TIPIN: variants seen among roughly 807,000 people sequenced by gnomAD.
TIPIN encodes the protein TIMELESS interacting protein.
Under a neutral mutation model 35.6 loss-of-function variants are expected in TIPIN, and 29 were observed. The ratio of observed to expected loss-of-function variants is 0.82; its 90% CI spans 0.61 to 1.11. TIPIN has a LOEUF of 1.11. Among genes scored for constraint, TIPIN ranks in the 50% most tolerant of loss-of-function variants. TIPIN has a pLI of 0.00. For synonymous variants in TIPIN, 102 were observed against 121.5 expected (o/e 0.84, Z 1.06); for missense variants, 296 against 345.4 (o/e 0.86, Z 1.13).
At chr15:66,340,865 G>A (rs2093081714) in intron 7 of TIPIN, among the ~76,000 whole-genome samples, 1 of 152,164 alleles carries the variant, frequency 6.6e-6, no homozygotes, top group African/African-American at 2.4e-5. Flanking sequence ...CCAAAGTGCT[G>A]AGATTACAGG....
chr15:66,372,736 C>T (rs572651760), intron 1 of TIPIN, among the ~76,000 whole-genome samples: 5 of 152,178 alleles, frequency 3.3e-5, no homozygotes, highest in Non-Finnish European at 7.4e-5. Context: ...AACTCTGTCT[C>T]TACTAAGAAT....
chr15:66,336,415 G>A lies in TIPIN; in HGVS notation c.*543C>T, dbSNP rs35645131. 0.056 allele frequency: 8,654 copies of A among 153,364 alleles called. 350 individuals carry two copies. Among genetic ancestry groups the A allele is most frequent in the Middle Eastern group, 0.11 (32 of 300 alleles). 9.5% of individuals were successfully genotyped at this position (153,364 alleles called of 1,614,324 possible). On this transcript the variant is annotated 3_prime_UTR_variant, in exon 8 of 8. Transcript: ENST00000261881. Reference sequence around the variant, plus strand: ...CTAAAAGTACAAAAATTAGCCAAGCGTGGTGGCACACGCCTGTAGTCCCAG... The same window carrying A: ...CTAAAAGTACAAAAATTAGCCAAGCATGGTGGCACACGCCTGTAGTCCCAG...
intron 7 of TIPIN, 95 bp downstream of exon 7, chr15:66,341,055 A>C: frequency 1.8e-6 from 2 of 1,084,954 alleles, no homozygotes; most frequent in Non-Finnish European, 2.7e-6. Context: ...CCACTCCTAG[A>C]AGTATTTTAT....
chr15:66,352,877 G>A lies in TIPIN; in HGVS notation c.71C>T (p.Pro24Leu), dbSNP rs1314440345. The change falls in exon 2 of 8, where the codon CCT becomes CTT. Residue 24 changes from proline (P) to leucine (L), a missense_variant. Transcript: ENST00000261881. ...TGGAGAGGCTGGAGGTGGGAAAGGA[G>A]GAAAAGTTTCATCTTCTACATGCTC... The part of the protein sequence containing the change: ...DYEHVEDETF[P>L]PFPPPASPER... 2 of 1,614,014 alleles carry A rather than the reference G, an allele frequency of 1.2e-6. No individual in the cohort carries two copies. The highest frequency in any genetic ancestry group is 4.5e-5 in the East Asian group (2 of 44,868).
chr15:66,351,641 C>CTTTT (rs56040501), intron 3 of TIPIN, 41 bp from the exon 4 acceptor site: 240 of 1,091,196 alleles, frequency 2.2e-4, no homozygotes, highest in Admixed American at 5.2e-4. Context: ...GTTTTATTTT[C>CTTTT]TTTTTTTTTT....
upstream of TIPIN, among the ~76,000 whole-genome samples, chr15:66,358,314 A>G (rs1390919272): frequency 1.3e-5 from 2 of 152,220 alleles, no homozygotes; most frequent in Non-Finnish European, 2.9e-5. Context: ...TATTCAAAAA[A>G]CTAAATTTAA....
chr15:66,367,894 G>A (rs1444735413), intron 1 of TIPIN, among the ~76,000 whole-genome samples: 1 of 148,660 alleles, frequency 6.7e-6, no homozygotes, highest in Non-Finnish European at 1.5e-5. Flanking sequence ...CAGTGCAGTG[G>A]CGTGATCTCG....
chr15:66,366,735 C>G (rs1368189855), intron 1 of TIPIN: 3 of 805,760 alleles, frequency 3.7e-6, no homozygotes, highest in Non-Finnish European at 4.5e-6. Flanking sequence ...CCATTGCACT[C>G]TAGCCTGGGC....
At chr15:66,369,334 T>C (rs182371576) in intron 1 of TIPIN, among the ~76,000 whole-genome samples, 131 of 148,166 alleles carry the variant, frequency 8.8e-4, no homozygotes, top group Admixed American at 2.5e-3. Context: ...AATGTACCAA[T>C]AATAATAGTT....
Position 66,383,095 on chromosome 15 carries a change from A to G in TIPIN, c.-9+3512T>C, listed in dbSNP as rs2093323819. ...CCAACCCAGCATGCATAGAATCATAATATTTCAATATTAAAAAGAATGCTG... is the reference window on the plus strand; with the variant it reads ...CCAACCCAGCATGCATAGAATCATAGTATTTCAATATTAAAAAGAATGCTG... On this transcript the variant is annotated intron_variant, in intron 1 of 7. Transcript: ENST00000562124. 9 of 560,594 alleles carry G rather than the reference A, an allele frequency of 1.6e-5. No homozygotes were observed. In the South Asian group the frequency reaches 5.5e-4, roughly 34 times the overall value. 34.7% of individuals were successfully genotyped at this position (560,594 alleles called of 1,614,324 possible). A position where few individuals can be genotyped will look rare whatever the true frequency, so the allele number is the denominator to read the frequency against.
chr15:66,353,690 A>T (rs918506658), intron 1 of TIPIN, among the ~76,000 whole-genome samples: 17 of 152,072 alleles, frequency 1.1e-4, no homozygotes, highest in African/African-American at 3.6e-4. Flanking sequence ...AAAAATTTTT[A>T]AATGTGTTTA....
At chr15:66,377,989 G>A (rs1218525512) in intron 1 of TIPIN, among the ~76,000 whole-genome samples, 1 of 151,926 alleles carries the variant, frequency 6.6e-6, no homozygotes, top group African/African-American at 2.4e-5. Flanking sequence ...GGGATTACAG[G>A]TGCACACCAC....
intron 7 of TIPIN, among the ~76,000 whole-genome samples, chr15:66,338,989 G>A (rs1421248966): frequency 2.0e-5 from 3 of 150,466 alleles, no homozygotes; most frequent in African/African-American, 4.9e-5. Context: ...AAATTAGCCA[G>A]GCATGGGGGC....
At chr15:66,368,190 T>C (rs2093264836) in intron 1 of TIPIN, among the ~76,000 whole-genome samples, 1 of 152,096 alleles carries the variant, frequency 6.6e-6, no homozygotes, top group African/African-American at 2.4e-5. Context: ...TTGGACTATA[T>C]ACATCATGGG....
Position 66,349,370 on chromosome 15 carries a change from T to G in TIPIN, c.356A>C (p.Gln119Pro). 6.2e-7 allele frequency: 1 copy of G among 1,614,130 alleles called. No homozygotes were observed. The highest frequency in any genetic ancestry group is 1.7e-5 in the Admixed American group (1 of 59,996). Residue 119 changes from glutamine to proline, a missense_variant, in exon 5 of 8, where the codon CAG (glutamine) becomes CCG (proline). By Grantham distance (76) the Gln-to-Pro change is moderately conservative. Transcript: ENST00000261881. ...AACTCTGTCAATAAAATCCTCAAAC[T>G]GCAGTTTAGGGAATAGCCTATGTGC... ...HWAHRLFPKL[Q>P]FEDFIDRVEY... is the part of the protein sequence containing the mutation.
intron 6 of TIPIN, among the ~76,000 whole-genome samples, chr15:66,342,488 C>T (rs925647531): frequency 3.3e-5 from 5 of 152,068 alleles, no homozygotes; most frequent in African/African-American, 7.2e-5. Flanking sequence ...ATCAGCCTCC[C>T]GAGAAGCTGG....
intron 1 of TIPIN, among the ~76,000 whole-genome samples, chr15:66,353,989 G>A (rs1172286110): frequency 6.6e-6 from 1 of 152,044 alleles, no homozygotes; most frequent in African/African-American, 2.4e-5. Context: ...CAGGTGTTGT[G>A]GCACGCACCT....
intron 1 of TIPIN, among the ~76,000 whole-genome samples, chr15:66,374,367 T>C (rs1180757231): frequency 6.6e-6 from 1 of 151,858 alleles, no homozygotes; most frequent in Non-Finnish European, 1.5e-5. Context: ...TTTGGATATC[T>C]TCCCTTGTGA....
chr15:66,377,033 G>A (rs993694501), intron 1 of TIPIN, among the ~76,000 whole-genome samples: 10 of 148,682 alleles, frequency 6.7e-5, no homozygotes, highest in South Asian at 2.1e-4. Context: ...GCTTGAACCC[G>A]TGAGGTGGAG....
Sources: gnomAD v4.1 joint callset for allele counts (sites outside exome capture counted in the v4.1 genomes callset) on GRCh38, gnomAD v4.1.1 for gene constraint, MANE v1.5 for transcripts, NCBI Gene and HGNC (gene_info 2026-07-23, HGNC 2026-07-21) for gene names.